Variants in ZCCHC9 observed in about 807,000 individuals in gnomAD.
The protein encoded by ZCCHC9 is zinc finger CCHC-type containing 9.
ZCCHC9 carries 18 observed loss-of-function variants against 30.8 expected under a neutral mutation model. The ratio of observed to expected loss-of-function variants is 0.58; its 90% CI spans 0.40 to 0.87. The LOEUF (loss-of-function observed/expected upper bound fraction) is 0.87. ZCCHC9 is among the 40% of genes least tolerant of loss of function. The pLI is 0.00. For missense variants in ZCCHC9, 279 were observed against 331.2 expected (o/e 0.84, Z 1.22); for synonymous variants, 94 against 106.7 (o/e 0.88, Z 0.73).
chr5:81,303,922 A>G (rs1328970387), intron 1 of ZCCHC9: 1 of 152,250 alleles, frequency 6.6e-6, no homozygotes, highest in Non-Finnish European at 1.5e-5. Flanking sequence ...ATCACTAGGT[A>G]GTATGTAAGT....
chr5:81,304,691 T>G, intron 1 of ZCCHC9, 50 bp from the exon 2 acceptor site: 1 of 1,498,620 alleles, frequency 6.7e-7, no homozygotes, highest in East Asian at 2.3e-5. Context: ...AGTTTTGTTG[T>G]TTTTGTTGTT....
Position 81,311,232 on chromosome 5 carries a change from G to T in ZCCHC9, c.650G>T (p.Gly217Val). The T allele has an allele frequency of 1.2e-6, 2 of 1,614,080 alleles. No individual in the cohort carries two copies. Among genetic ancestry groups the T allele is most frequent in the South Asian group, 1.1e-5 (1 of 91,074 alleles). ...YADGGGCKLC[G>V]SVEHLKKDCP... ...ATAGGTGGCGGTTGCAAACTTTGTG[G>T]CTCTGTGGAACATTTAAAGAAAGAT... is the stretch of plus-strand genomic sequence containing the variant. The change falls in exon 5 of 6, where the codon GGC becomes GTC. Residue 217 changes from glycine to valine, a missense_variant. Coordinates refer to ENST00000407610, the MANE Select transcript of ZCCHC9 (RefSeq NM_001131035.2).
intron 2 of ZCCHC9, among the ~76,000 whole-genome samples, chr5:81,308,039 A>ATCTATCTG (rs1454914406): frequency 3.4e-5 from 5 of 145,986 alleles, no homozygotes; most frequent in African/African-American, 1.3e-4. Flanking sequence ...CTATCTATCT[A>ATCTATCTG]TCTATCTATC....
chr5:81,309,080 C>T (rs764588286), intron 4 of ZCCHC9, 42 bp downstream of exon 4: 9 of 1,425,354 alleles, frequency 6.3e-6, no homozygotes, highest in South Asian at 1.3e-5. Flanking sequence ...GGTGAGTCAT[C>T]GTGCAGTTGT....
At chr5:81,305,408 G>A (rs2112869481) in intron 2 of ZCCHC9, among the ~76,000 whole-genome samples, 1 of 152,216 alleles carries the variant, frequency 6.6e-6, no homozygotes. Flanking sequence ...TAAATAACCT[G>A]TGGAAGCCAC....
In ZCCHC9 at chr5:81,309,030, A is replaced by G; in HGVS notation, c.620A>G (p.Tyr207Cys). 4 of 1,610,944 alleles carry G rather than the reference A, an allele frequency of 2.5e-6. No homozygotes were observed. The highest frequency in any genetic ancestry group is 3.4e-6 in the Non-Finnish European group (4 of 1,178,748). Residue 207 changes from tyrosine (Y) to cysteine (C), a missense_variant, in exon 4 of 6, where the codon TAT (tyrosine) becomes TGT (cysteine). By Grantham distance (194) the Tyr-to-Cys change is radical (BLOSUM62 -2). Coordinates refer to ENST00000407610, the MANE Select transcript of ZCCHC9 (RefSeq NM_001131035.2). ...RSCPDNPKGL[Y>C]ADGGGCKLCG... is the part of the protein sequence containing the mutation. ...TGTCCTGATAATCCCAAAGGACTCT[A>G]TGCTGATGGTAAGTACTGTTACCCT...
rs750428681 is a variant in ZCCHC9, at chr5:81,304,916, A to G, written c.159A>G (p.Ala53=). ...ATAGGCTATCCCTCAAAAATGATGC[A>G]CCCCAAGCAAAACATAAAAAGAACA... The part of the protein sequence containing the change: ...EANRLSLKND[A]PQAKHKKNKK... Residue 53 remains alanine (A), a synonymous_variant, in exon 2 of 6, where the codon GCA becomes GCG. Coordinates refer to ENST00000407610, the MANE Select transcript of ZCCHC9 (RefSeq NM_001131035.2). The G allele has an allele frequency of 5.0e-6, 8 of 1,613,936 alleles. No individual in the cohort carries two copies. The South Asian group carries it at 7.7e-5, about 16-fold the overall frequency.
At chr5:81,306,478 C>G (rs1758087055) in intron 2 of ZCCHC9, among the ~76,000 whole-genome samples, 1 of 152,116 alleles carries the variant, frequency 6.6e-6, no homozygotes, top group Non-Finnish European at 1.5e-5. Context: ...GTTTAGTTGA[C>G]ATAGGCGGTA....
At chr5:81,309,723 C>G (rs920398090) in intron 4 of ZCCHC9, among the ~76,000 whole-genome samples, 1 of 149,338 alleles carries the variant, frequency 6.7e-6, no homozygotes, top group Non-Finnish European at 1.5e-5. Flanking sequence ...CACTCACTAG[C>G]TGGGGGGCTT....
chr5:81,303,644 ACAT>A (rs1425971408), intron 1 of ZCCHC9: 1 of 152,390 alleles, frequency 6.6e-6, no homozygotes, highest in Non-Finnish European at 1.5e-5. Flanking sequence ...TATGTACAGT[ACAT>A]CATTGTAAGC....
Position 81,308,656 on chromosome 5 carries a change from T to C in ZCCHC9, c.480T>C (p.Cys160=). 6.2e-7 allele frequency: 1 copy of C among 1,613,958 alleles called. No homozygotes were observed. The highest frequency in any genetic ancestry group is 1.7e-4 in the Middle Eastern group (1 of 6,060). The change falls in exon 3 of 6, where the codon TGT becomes TGC. Residue 160 remains cysteine, a synonymous_variant. Transcript: ENST00000407610. The part of the protein sequence containing the change: ...QDMGTGICYR[C]GSTEHEITKC... ...TGGGCACTGGGATATGTTACAGGTGTGGGTCCACAGAGCACGAAATAACCA... is the reference window on the plus strand; with the variant it reads ...TGGGCACTGGGATATGTTACAGGTGCGGGTCCACAGAGCACGAAATAACCA...
chr5:81,308,684 T>C lies in ZCCHC9; in HGVS notation c.508T>C (p.Cys170Arg). The change falls in exon 3 of 6, where the codon TGT becomes CGT. Residue 170 changes from cysteine (C) to arginine (R), a missense_variant. Transcript: ENST00000407610. ...GTCCACAGAGCACGAAATAACCAAG[T>C]GTAAGGCTAAAGTAGACCCGGCTCT... ...CGSTEHEITK[C>R]KAKVDPALGE... is the part of the protein sequence containing the mutation. The C allele has an allele frequency of 6.2e-7, 1 of 1,612,554 alleles. No homozygotes were observed. Among genetic ancestry groups the C allele is most frequent in the South Asian group, 1.1e-5 (1 of 90,798 alleles).
Position 81,308,728 on chromosome 5 carries a change from G to A in ZCCHC9, c.535+17G>A, listed in dbSNP as rs765333755. 6.3e-7 allele frequency: 1 copy of A among 1,593,932 alleles called. No homozygotes were observed. Among genetic ancestry groups the A allele is most frequent in the Non-Finnish European group, 8.5e-7 (1 of 1,173,498 alleles). On this transcript the variant is annotated intron_variant, in intron 3 of 5. Coordinates refer to ENST00000407610, the MANE Select transcript of ZCCHC9 (RefSeq NM_001131035.2). ...CGGCTCTTGGTATGTGTTTCTTTCA[G>A]TTTTTTGTTTTGTTCATGGGGAAAG... is the stretch of plus-strand genomic sequence containing the variant.
At chr5:81,309,104 C>G (rs1758187514) in intron 4 of ZCCHC9, 66 bp downstream of exon 4, 1 of 1,171,502 alleles carries the variant, frequency 8.5e-7, no homozygotes, top group South Asian at 1.6e-5. Flanking sequence ...TTAATTTACA[C>G]TCAATCACAG....
intron 2 of ZCCHC9, among the ~76,000 whole-genome samples, chr5:81,307,706 A>G (rs979279802): frequency 1.3e-5 from 2 of 151,432 alleles, no homozygotes; most frequent in South Asian, 2.1e-4. Context: ...GCTATGAAAT[A>G]TATCTTATGG....
At chr5:81,302,873 C>T (rs1268772566) in intron 1 of ZCCHC9, 1 of 152,022 alleles carries the variant, frequency 6.6e-6, no homozygotes, top group Non-Finnish European at 1.5e-5. Context: ...TATTACTGTA[C>T]ACTACTGTAG....
At chr5:81,306,604 A>G (rs1758089903) in intron 2 of ZCCHC9, among the ~76,000 whole-genome samples, 5 of 152,182 alleles carry the variant, frequency 3.3e-5, no homozygotes, top group Admixed American at 3.3e-4. Context: ...TGCTATATAA[A>G]TAGTATATGG....
At chr5:81,303,287 TG>T (rs35668868) in intron 1 of ZCCHC9, 70,423 of 152,144 alleles carry the variant, frequency 0.46, 17,157 homozygotes, top group Admixed American at 0.58. Flanking sequence ...GTGATCCACC[TG>T]GCCTTGGCCT....
chr5:81,307,684 G>A (rs1020746289), intron 2 of ZCCHC9, among the ~76,000 whole-genome samples: 30 of 149,136 alleles, frequency 2.0e-4, no homozygotes, highest in Admixed American at 4.0e-4. Context: ...AAAAAACAAG[G>A]ATATACTTTT....
Sources: gnomAD v4.1 joint callset for allele counts (sites outside exome capture counted in the v4.1 genomes callset) on GRCh38, gnomAD v4.1.1 for gene constraint, MANE v1.5 for transcripts, NCBI Gene and HGNC (gene_info 2026-07-23, HGNC 2026-07-21) for gene names.